The following ABCA13 variants were observed in gnomAD, a reference collection of about 807,000 sequenced individuals.
The protein encoded by ABCA13 is ATP binding cassette subfamily A member 13.
Under a neutral mutation model 478.7 loss-of-function variants are expected in ABCA13, and 476 were observed. The observed-to-expected ratio is 0.99, with a 90% confidence interval of 0.92 to 1.07. The LOEUF (loss-of-function observed/expected upper bound fraction) is 1.07. Among genes scored for constraint, ABCA13 ranks in the 50% least tolerant of loss-of-function variants. The pLI is 0.00. For synonymous variants in ABCA13, 2,252 were observed against 2,158.9 expected (o/e 1.04, Z -1.20); for missense variants, 6,060 against 5,910.6 (o/e 1.03, Z -0.83).
intron 43 of ABCA13, among the ~76,000 whole-genome samples, chr7:48,466,589 T>C (rs2130155241): frequency 6.6e-6 from 1 of 152,350 alleles, no homozygotes; most frequent in South Asian, 2.1e-4. Flanking sequence ...TTGCAGATTT[T>C]AATATATTAA....
rs367673869 is a variant in ABCA13 at position 48,279,092 on chromosome 7, A to G, written c.7898A>G (p.Asp2633Gly). Reference sequence around the variant, plus strand: ...ATGAACCAATCTAAGGACTTTTCTGATATTTTGGAAGAAATTGCTGAATTT... The same window carrying G: ...ATGAACCAATCTAAGGACTTTTCTGGTATTTTGGAAGAAATTGCTGAATTT... Reference protein sequence around the residue: ...SYMNQSKDFSDILEEIAEFLT... With the variant: ...SYMNQSKDFSGILEEIAEFLT... The change falls in exon 18 of 62, where the codon GAT becomes GGT. Residue 2633 changes from aspartate to glycine, a missense_variant. Around this residue, in one of 3 missense-constraint regions of ABCA13, gnomAD observed 4,423 missense variants for 4,309.1 expected, o/e 1.03. Coordinates refer to ENST00000435803, the MANE Select transcript of ABCA13 (RefSeq NM_152701.5). 6.2e-7 allele frequency: 1 copy of G among 1,612,218 alleles called. No individual in the cohort carries two copies. Among genetic ancestry groups the G allele is most frequent in the East Asian group, 2.2e-5 (1 of 44,832 alleles).
intron 56 of ABCA13, among the ~76,000 whole-genome samples, chr7:48,582,748 A>C (rs1018568480): frequency 1.3e-5 from 2 of 152,054 alleles, no homozygotes; most frequent in African/African-American, 4.8e-5. Flanking sequence ...TCACTTCCTC[A>C]ACCTTTCAAA....
At chr7:48,437,336 C>T (rs1216428882) in intron 42 of ABCA13, among the ~76,000 whole-genome samples, 1 of 152,020 alleles carries the variant, frequency 6.6e-6, no homozygotes, top group African/African-American at 2.4e-5. Flanking sequence ...AGAATAGCCA[C>T]CCTTCTGCCT....
chr7:48,242,309 C>T (rs1401115891), intron 10 of ABCA13, among the ~76,000 whole-genome samples: 2 of 152,068 alleles, frequency 1.3e-5, no homozygotes, highest in Non-Finnish European at 2.9e-5. Flanking sequence ...GACTATACCA[C>T]ACTCTAGGTA....
At chr7:48,226,613 A>C (rs114891466) in intron 5 of ABCA13, among the ~76,000 whole-genome samples, 23 of 152,306 alleles carry the variant, frequency 1.5e-4, no homozygotes, top group African/African-American at 5.3e-4. Context: ...CTTGGATCAC[A>C]GAGTGTGGGG....
chr7:48,608,581 T>C (rs77239233), intron 58 of ABCA13, among the ~76,000 whole-genome samples: 3,798 of 152,338 alleles, frequency 0.025, 62 homozygotes, highest in South Asian at 0.064. Context: ...TAATCAGGTA[T>C]ATCAACAGTG....
rs563189019 is a variant in ABCA13 at position 48,349,687 on chromosome 7, G to T, written c.10205-956G>T. Among the ~76,000 whole-genome samples the T allele has an allele frequency of 6.6e-5, 10 of 152,310 alleles. 1 individual carries two copies. In the East Asian group the frequency reaches 1.7e-3, roughly 26 times the overall value. ...AGGGAAGCAAGCATGAGAGGCAGAGGCAGCTGTCAGTGGGTACTGATGCTG... is the reference window on the plus strand; with the variant it reads ...AGGGAAGCAAGCATGAGAGGCAGAGTCAGCTGTCAGTGGGTACTGATGCTG... On this transcript the variant is annotated intron_variant, in intron 29 of 61. Coordinates refer to ENST00000435803, the MANE Select transcript of ABCA13 (RefSeq NM_152701.5).
chr7:48,603,025 CTGTT>C (rs1411851889), intron 58 of ABCA13, among the ~76,000 whole-genome samples: 2 of 152,020 alleles, frequency 1.3e-5, no homozygotes, highest in African/African-American at 4.8e-5. Context: ...ATTTGACTCT[CTGTT>C]TGTCTGTTAT....
intron 31 of ABCA13, among the ~76,000 whole-genome samples, chr7:48,353,843 A>AT (rs755273919): frequency 9.9e-5 from 15 of 152,052 alleles, no homozygotes; most frequent in Non-Finnish European, 1.5e-4. Context: ...CTAAGGCGAC[A>AT]TTTTCACTCA....
rs551912484 is a variant in ABCA13 at position 48,247,499 on chromosome 7, A to G, written c.1660-740A>G. On this transcript the variant is annotated intron_variant, in intron 13 of 61. Coordinates refer to ENST00000435803, the MANE Select transcript of ABCA13 (RefSeq NM_152701.5). ...ATACGTATCACTAACAAATCACCCC[A>G]AAGCTCAGTGACCTAAAACAAAACA... Among the ~76,000 whole-genome samples the G allele has an allele frequency of 2.0e-5, 3 of 152,172 alleles. No individual in the cohort carries two copies. In the East Asian group the frequency reaches 5.8e-4, roughly 30 times the overall value.
chr7:48,520,728 G>A (rs190087990), intron 53 of ABCA13, among the ~76,000 whole-genome samples: 1 of 152,102 alleles, frequency 6.6e-6, no homozygotes, highest in Non-Finnish European at 1.5e-5. Flanking sequence ...ACAGGCCCCG[G>A]TGTGTGATGT....
chr7:48,390,508 G>T (rs1815882749), intron 37 of ABCA13, among the ~76,000 whole-genome samples: 1 of 152,164 alleles, frequency 6.6e-6, no homozygotes, highest in Non-Finnish European at 1.5e-5. Flanking sequence ...AACAGTATCT[G>T]TTGATGTGTA....
Position 48,507,986 on chromosome 7 carries a change from G to A in ABCA13, c.13461G>A (p.Arg4487=). 3 of 1,613,820 alleles carry A rather than the reference G, an allele frequency of 1.9e-6. No individual in the cohort carries two copies. The highest frequency in any genetic ancestry group is 4.5e-5 in the East Asian group (2 of 44,830). Reference sequence around the variant, plus strand: ...GGGACAGGGTGATTGGAGCCAAAAGGTTGCAGCACATAAGTGGCCTTGGCT... The same window carrying A: ...GGGACAGGGTGATTGGAGCCAAAAGATTGCAGCACATAAGTGGCCTTGGCT... ...VVRDRVIGAK[R]LQHISGLGYR... is the part of the protein sequence containing the mutation. Residue 4487 remains arginine, a synonymous_variant, in exon 50 of 62, where the codon AGG becomes AGA. Coordinates refer to ENST00000435803, the MANE Select transcript of ABCA13 (RefSeq NM_152701.5).
At chr7:48,481,409 C>A (rs1563329119) in intron 46 of ABCA13, among the ~76,000 whole-genome samples, 1 of 151,830 alleles carries the variant, frequency 6.6e-6, no homozygotes, top group Non-Finnish European at 1.5e-5. Flanking sequence ...CAAAAACAAA[C>A]AAAAAAAATT....
At chr7:48,271,122 A>G (rs1795546853) in intron 16 of ABCA13, among the ~76,000 whole-genome samples, 1 of 152,322 alleles carries the variant, frequency 6.6e-6, no homozygotes, top group African/African-American at 2.4e-5. Flanking sequence ...GAATTCTGAA[A>G]CACATGTAAC....
chr7:48,176,452 T>G (rs1037600943), intron 1 of ABCA13, among the ~76,000 whole-genome samples: 1 of 152,128 alleles, frequency 6.6e-6, no homozygotes, highest in African/African-American at 2.4e-5. Context: ...GGAAACCACA[T>G]CCCAGAACCC....
intron 23 of ABCA13, among the ~76,000 whole-genome samples, chr7:48,305,254 C>T (rs930105431): frequency 3.2e-4 from 49 of 151,714 alleles, no homozygotes; most frequent in African/African-American, 6.3e-4. Context: ...GGAAGTCAGA[C>T]GGTAAGAGCT....
At chr7:48,245,710 C>A in intron 12 of ABCA13, 98 bp downstream of exon 12, 2 of 1,446,554 alleles carry the variant, frequency 1.4e-6, no homozygotes, top group Non-Finnish European at 1.9e-6. Context: ...ATTGTGCTAG[C>A]TAAAAAAGGG....
intron 23 of ABCA13, among the ~76,000 whole-genome samples, chr7:48,307,492 C>T (rs1801078058): frequency 6.6e-6 from 1 of 152,064 alleles, no homozygotes; most frequent in Non-Finnish European, 1.5e-5. Context: ...AATAAAGCTA[C>T]AGGACTGAAG....
Sources: allele counts gnomAD v4.1 joint callset (sites outside exome capture counted in the v4.1 genomes callset), GRCh38; gene constraint gnomAD v4.1.1; regional missense constraint gnomAD v4.1.1; transcripts MANE v1.5; gene names NCBI Gene and HGNC (gene_info 2026-07-23, HGNC 2026-07-21).